The following DENND2B variants were observed in gnomAD, a reference collection of about 807,000 sequenced individuals.
DENND2B encodes DENN domain-containing protein 2B.
A neutral mutation model predicts 116.0 loss-of-function variants in DENND2B; 32 were observed. The ratio of observed to expected loss-of-function variants is 0.28; its 90% CI spans 0.21 to 0.37. The LOEUF (loss-of-function observed/expected upper bound fraction) is 0.37. Ranked by LOEUF, DENND2B falls within the 10% of genes least tolerant of loss-of-function variation. DENND2B has a pLI of 1.00. For synonymous variants in DENND2B, 588 were observed against 583.9 expected (o/e 1.01, Z -0.10); for missense variants, 1,276 against 1,477.7 (o/e 0.86, Z 2.24).
intron 2 of DENND2B, among the ~76,000 whole-genome samples, chr11:8,865,295 C>A (rs912376021): frequency 6.6e-6 from 1 of 152,080 alleles, no homozygotes; most frequent in Non-Finnish European, 1.5e-5. Context: ...TTTAAAAGAT[C>A]ATCTCCAGAG....
At position 8,891,279 on chromosome 11, in the gene DENND2B, C is replaced by A. The variant is rs542029334; in HGVS notation, c.-255-10170G>T. Among the ~76,000 whole-genome samples the A allele has an allele frequency of 2.5e-3, 383 of 152,294 alleles. 4 individuals are homozygous for A. The highest frequency in any genetic ancestry group is 8.7e-3 in the African/African-American group (362 of 41,558). ...AAGGAACAACCGGTACCAGCCACTG[C>A]AAAAACATGCCAAATTGTAAAGACC... On this transcript the variant is annotated intron_variant, in intron 1 of 22. Coordinates refer to the DENND2B transcript ENST00000534127.
intron 1 of DENND2B, among the ~76,000 whole-genome samples, chr11:8,893,795 T>A (rs2064063547): frequency 6.6e-6 from 1 of 151,980 alleles, no homozygotes; most frequent in South Asian, 2.1e-4. Context: ...ATAGGAAGAA[T>A]CAATATTGTG....
intron 3 of DENND2B, among the ~76,000 whole-genome samples, chr11:8,852,078 G>T (rs1176066832): frequency 1.3e-5 from 2 of 152,192 alleles, no homozygotes; most frequent in Non-Finnish European, 2.9e-5. Context: ...CCTTGATTCT[G>T]CCTGGAGCTG....
intron 3 of DENND2B, among the ~76,000 whole-genome samples, chr11:8,849,759 G>C (rs2062941916): frequency 6.6e-6 from 1 of 150,516 alleles, no homozygotes; most frequent in Non-Finnish European, 1.5e-5. Flanking sequence ...AGAGGCAGAG[G>C]TTGCAGTGAG....
Position 8,707,031 on chromosome 11 carries a change from T to TC in DENND2B, c.2571+53dup. The TC allele has an allele frequency of 1.3e-6, 2 of 1,574,848 alleles. No homozygotes were observed. The highest frequency in any genetic ancestry group is 1.7e-6 in the Non-Finnish European group (2 of 1,158,342). ...AAGACTACGACCTTGGCCAGCATGG[T>TC]CCTCCTGCCACCCCAGCCCGTAGCC... is the stretch of plus-strand genomic sequence containing the variant. On this transcript the variant is annotated intron_variant, in intron 13 of 19. Coordinates refer to ENST00000313726, the MANE Select transcript of DENND2B (RefSeq NM_213618.2). The surrounding 1 kb of genome is among the most constrained non-coding windows in gnomAD (Gnocchi z 4.8).
Position 8,730,273 on chromosome 11 carries a change from G to A in DENND2B, c.1017C>T (p.Val339=), listed in dbSNP as rs1350225335. 4 of 1,610,310 alleles carry A rather than the reference G, an allele frequency of 2.5e-6. No individual in the cohort carries two copies. The highest frequency in any genetic ancestry group is 1.7e-4 in the Middle Eastern group (1 of 6,056). ...GASVSAGSRA[V]GVAGVAGEAG... ...CCTCCCCCGCAACACCAGCCACTCC[G>A]ACTGCCCGGCTGCCAGCGCTCACAC... is the stretch of plus-strand genomic sequence containing the variant. The change falls in exon 3 of 20, where the codon GTC becomes GTT. Residue 339 remains valine, a synonymous_variant. Coordinates refer to ENST00000313726, the MANE Select transcript of DENND2B (RefSeq NM_213618.2). The surrounding 1 kb of genome is among the most constrained non-coding windows in gnomAD (Gnocchi z 4.1).
At chr11:8,867,388 A>C (rs925876997) in intron 2 of DENND2B, among the ~76,000 whole-genome samples, 5 of 152,148 alleles carry the variant, frequency 3.3e-5, no homozygotes, top group Admixed American at 6.6e-5. Context: ...AGACCTTTGC[A>C]CATCTCTAAA....
intron 4 of DENND2B, among the ~76,000 whole-genome samples, chr11:8,822,823 G>A (rs568871614): frequency 2.0e-5 from 3 of 152,210 alleles, no homozygotes; most frequent in African/African-American, 4.8e-5. Flanking sequence ...TGAATTTCCA[G>A]CAGGCTGTAA....
Position 8,740,888 on chromosome 11 carries a change from C to T in DENND2B, c.81-9679G>A, listed in dbSNP as rs370443317. ...GCTACCCTAAAGCCATACTCTTGAG[C>T]GTGGAGGAGAAAAAGGAGGAAGAGT... is the stretch of plus-strand genomic sequence containing the variant. On this transcript the variant is annotated intron_variant, in intron 2 of 19. Coordinates refer to ENST00000313726, the MANE Select transcript of DENND2B (RefSeq NM_213618.2). Among the ~76,000 whole-genome samples the T allele has an allele frequency of 4.6e-5, 7 of 152,272 alleles. No homozygotes were observed. In the South Asian group the frequency reaches 8.3e-4, roughly 18 times the overall value.
intron 1 of DENND2B, among the ~76,000 whole-genome samples, chr11:8,799,559 CTCTTTTTTTTTTT>C (rs1565975487): frequency 2.6e-5 from 3 of 115,734 alleles, no homozygotes; most frequent in Non-Finnish European, 5.2e-5. Flanking sequence ...CCTCCTTTTT[CTCTTTTTTTTTTT>C]TTTTTTTTTT....
chr11:8,803,034 T>C (rs921176002), intron 1 of DENND2B, among the ~76,000 whole-genome samples: 17 of 152,222 alleles, frequency 1.1e-4, no homozygotes, highest in African/African-American at 3.9e-4. Context: ...AATATTATAC[T>C]TGATTTCATA....
intron 1 of DENND2B, among the ~76,000 whole-genome samples, chr11:8,806,189 G>A (rs114859346): frequency 0.012 from 1,761 of 152,114 alleles, 17 homozygotes; most frequent in African/African-American, 0.034. Context: ...CTTGTCTCCC[G>A]TAACCCTCAG....
intron 3 of DENND2B, among the ~76,000 whole-genome samples, chr11:8,844,355 G>C (rs998300871): frequency 6.6e-6 from 1 of 152,136 alleles, no homozygotes; most frequent in African/African-American, 2.4e-5. Flanking sequence ...AGCCATGATT[G>C]CACCACTGTA....
At chr11:8,853,318 G>A (rs893587076) in intron 3 of DENND2B, among the ~76,000 whole-genome samples, 11 of 152,120 alleles carry the variant, frequency 7.2e-5, no homozygotes, top group Non-Finnish European at 1.2e-4. Flanking sequence ...AGCTGAGATC[G>A]CACCATTGCA....
At chr11:8,780,506 T>G (rs2058270555) in intron 1 of DENND2B, among the ~76,000 whole-genome samples, 1 of 152,140 alleles carries the variant, frequency 6.6e-6, no homozygotes, top group Admixed American at 6.6e-5. Context: ...TAGAACTACA[T>G]GCACAAGGGC....
chr11:8,698,341 G>A (rs1034263135), intron 16 of DENND2B, among the ~76,000 whole-genome samples: 3 of 152,022 alleles, frequency 2.0e-5, no homozygotes, highest in African/African-American at 7.2e-5. Flanking sequence ...CTGTTGTTTC[G>A]TCTCTATACT....
At chr11:8,738,892 C>T (rs1362644918) in intron 2 of DENND2B, among the ~76,000 whole-genome samples, 1 of 152,184 alleles carries the variant, frequency 6.6e-6, no homozygotes, top group Non-Finnish European at 1.5e-5. Flanking sequence ...AGCTCTTTCA[C>T]ACCCTACCCC....
intron 2 of DENND2B, 50 bp downstream of exon 2, chr11:8,750,571 C>A: frequency 6.6e-7 from 1 of 1,516,146 alleles, no homozygotes; most frequent in Non-Finnish European, 9.2e-7. Flanking sequence ...GGATCCCACC[C>A]AGGACCTAGG....
chr11:8,831,340 C>G (rs956635795), intron 4 of DENND2B, among the ~76,000 whole-genome samples: 1 of 152,194 alleles, frequency 6.6e-6, no homozygotes, highest in African/African-American at 2.4e-5. Flanking sequence ...CAAGCATAAC[C>G]TAGCATGCCT....
Sources: allele counts gnomAD v4.1 joint callset (sites outside exome capture counted in the v4.1 genomes callset), GRCh38; gene constraint gnomAD v4.1.1; non-coding constraint Gnocchi (gnomAD v3.1); transcripts MANE v1.5; gene names NCBI Gene and HGNC (gene_info 2026-07-23, HGNC 2026-07-21).